Variants in FOXP2 observed in about 807,000 individuals in gnomAD.
FOXP2 encodes the protein forkhead box P2.
In FOXP2, 12 loss-of-function variants were observed where a neutral mutation model predicts 115.8. The ratio of observed to expected loss-of-function variants is 0.10; its 90% CI spans 0.07 to 0.17. The LOEUF is 0.17. Among genes scored for constraint, FOXP2 ranks in the 10% least tolerant of loss-of-function variants. The probability of loss-of-function intolerance (pLI) is 1.00; values close to 1 mark genes in which losing one functional copy is unlikely to be tolerated. For synonymous variants in FOXP2, 328 were observed against 297.7 expected, an observed-to-expected ratio of 1.10 and a Z score of -1.05; for missense variants, 629 against 843.5, an observed-to-expected ratio of 0.75 and a Z score of 3.15.
chr7:114,639,840 G>A (rs1194632568), intron 6 of FOXP2, among the ~76,000 whole-genome samples: 1 of 152,130 alleles, frequency 6.6e-6, no homozygotes, highest in East Asian at 1.9e-4. Context: ...TATATTAAAG[G>A]TTGTTTTTGT....
intron 2 of FOXP2, among the ~76,000 whole-genome samples, chr7:114,390,792 A>T (rs1262151428): frequency 6.6e-6 from 1 of 151,990 alleles, no homozygotes; most frequent in East Asian, 1.9e-4. Context: ...TCCTGGGCTC[A>T]AGTGATTGCC....
Position 114,693,262 on chromosome 7 carries a change from G to T in FOXP2, c.*3336G>T, listed in dbSNP as rs1301636015. On this transcript the variant is annotated 3_prime_UTR_variant, in exon 17 of 17. Coordinates refer to ENST00000350908, the MANE Select transcript of FOXP2 (RefSeq NM_014491.4). ...ATGTCATCAGCATTCTGTGTCTACA[G>T]CTGCTTAACTTCATAAGAATGCATT... The T allele has an allele frequency of 2.2e-6, 1 of 450,494 alleles. No individual in the cohort carries two copies. The highest frequency in any genetic ancestry group is 4.5e-6 in the Non-Finnish European group (1 of 224,674). The allele number at this position is 450,494 out of a possible 1,614,324, so 27.9% of individuals were successfully genotyped here.
chr7:114,115,161 T>TTTA (rs1791369544), intron 1 of FOXP2, among the ~76,000 whole-genome samples: 1 of 152,128 alleles, frequency 6.6e-6, no homozygotes, highest in African/African-American at 2.4e-5. Flanking sequence ...TTCTAAACTG[T>TTTA]GTCTTAGTGC....
chr7:114,464,466 A>G (rs1795720274), intron 2 of FOXP2, among the ~76,000 whole-genome samples: 1 of 152,228 alleles, frequency 6.6e-6, no homozygotes, highest in Non-Finnish European at 1.5e-5. Flanking sequence ...GGTTGTCTGT[A>G]TGAAAGTAAT....
chr7:114,448,711 A>G (rs893309778), intron 2 of FOXP2, among the ~76,000 whole-genome samples: 7 of 152,146 alleles, frequency 4.6e-5, no homozygotes, highest in African/African-American at 1.4e-4. Context: ...CCATATTCAT[A>G]GTTTGTGAGG....
intron 1 of FOXP2, among the ~76,000 whole-genome samples, chr7:114,273,848 C>G (rs759268158): frequency 6.6e-6 from 1 of 151,834 alleles, no homozygotes; most frequent in Non-Finnish European, 1.5e-5. Context: ...AAGTGCATTC[C>G]TTGTAGACAA....
At chr7:114,090,520 A>T (rs1799521177) in intron 1 of FOXP2, among the ~76,000 whole-genome samples, 1 of 151,786 alleles carries the variant, frequency 6.6e-6, no homozygotes, top group African/African-American at 2.4e-5. Flanking sequence ...TGTAGCCCTT[A>T]ATTCATAGAG....
In FOXP2 at chr7:114,245,384, G is replaced by A. The variant is rs142175474; in HGVS notation, c.-101-42635G>A. 3.0e-3 allele frequency among the ~76,000 whole-genome samples: 456 copies of A among 152,258 alleles called. 2 individuals carry two copies. The highest frequency in any genetic ancestry group is 0.011 in the African/African-American group (437 of 41,560). On this transcript the variant is annotated intron_variant, in intron 1 of 17. Transcript: ENST00000634411. ...CAGGAAACACTTCAGCAGTTTTTTTGTGGTACTGCCAGCTATTTTAGCATA... is the reference window on the plus strand; with the variant it reads ...CAGGAAACACTTCAGCAGTTTTTTTATGGTACTGCCAGCTATTTTAGCATA...
In FOXP2 at chr7:114,194,870, A is replaced by G. The variant is rs112209378; in HGVS notation, c.-102+31782A>G. ...ATTTATAATACTATTAAGAACACAGATATAGGACATAATAAATAAGAGATT... is the reference window on the plus strand; with the variant it reads ...ATTTATAATACTATTAAGAACACAGGTATAGGACATAATAAATAAGAGATT... On this transcript the variant is annotated intron_variant, in intron 1 of 17. Coordinates refer to the FOXP2 transcript ENST00000634411. Among the ~76,000 whole-genome samples the G allele has an allele frequency of 9.1e-3, 1,380 of 152,302 alleles. 27 individuals carry two copies. Among genetic ancestry groups the G allele is most frequent in the African/African-American group, 0.031 (1,294 of 41,578 alleles).
At chr7:114,186,254 C>T (rs1793603621) in intron 1 of FOXP2, among the ~76,000 whole-genome samples, 1 of 152,078 alleles carries the variant, frequency 6.6e-6, no homozygotes. Flanking sequence ...TAATTTGTTC[C>T]AGCATCAACT....
intron 3 of FOXP2, among the ~76,000 whole-genome samples, chr7:114,546,364 G>A (rs139874075): frequency 5.3e-5 from 8 of 152,298 alleles, no homozygotes; most frequent in Non-Finnish European, 1.0e-4. Context: ...AAGGCTTTTC[G>A]TAGACTGGTG....
chr7:114,259,133 T>A (rs1162159663), intron 1 of FOXP2, among the ~76,000 whole-genome samples: 1 of 152,152 alleles, frequency 6.6e-6, no homozygotes, highest in Non-Finnish European at 1.5e-5. Flanking sequence ...ACTTATTACA[T>A]TTTGATGACC....
At chr7:114,670,800 G>A (rs1807449560) in intron 16 of FOXP2, among the ~76,000 whole-genome samples, 1 of 151,990 alleles carries the variant, frequency 6.6e-6, no homozygotes, top group Non-Finnish European at 1.5e-5. Flanking sequence ...GTGGACAAAA[G>A]CATTTGAAAT....
At chr7:114,325,126 G>A (rs893651373) in intron 2 of FOXP2, among the ~76,000 whole-genome samples, 3 of 151,776 alleles carry the variant, frequency 2.0e-5, no homozygotes, top group African/African-American at 7.2e-5. Flanking sequence ...TTTAAAAAAT[G>A]TATTATTGGT....
At chr7:114,594,564 G>A (rs1802602653) in intron 3 of FOXP2, among the ~76,000 whole-genome samples, 1 of 151,944 alleles carries the variant, frequency 6.6e-6, no homozygotes, top group South Asian at 2.1e-4. Context: ...TAAAAATGAA[G>A]TTTGCAAAAA....
chr7:114,531,441 C>A (rs537835594), intron 2 of FOXP2, among the ~76,000 whole-genome samples: 1 of 151,910 alleles, frequency 6.6e-6, no homozygotes, highest in East Asian at 1.9e-4. Flanking sequence ...TCTAATTGCT[C>A]AGAGACCTGA....
chr7:114,544,487 A>G (rs1799823713), intron 3 of FOXP2, among the ~76,000 whole-genome samples: 1 of 152,240 alleles, frequency 6.6e-6, no homozygotes, highest in South Asian at 2.1e-4. Context: ...AACACAAAAT[A>G]CACAGAAAAT....
intron 3 of FOXP2, among the ~76,000 whole-genome samples, chr7:114,594,898 TCAGGGTTGTAAA>T (rs1374773812): frequency 2.0e-5 from 3 of 152,042 alleles, no homozygotes; most frequent in Non-Finnish European, 4.4e-5. Context: ...AGGTATGTTC[TCAGGGTTGTAAA>T]CTGCTTGTGG....
upstream of FOXP2, among the ~76,000 whole-genome samples, chr7:114,087,361 G>A (rs542964239): frequency 7.9e-5 from 12 of 152,212 alleles, no homozygotes; most frequent in South Asian, 2.1e-3. Context: ...GCGTTAGCAC[G>A]ACCGGCTTCC....
Sources: allele counts gnomAD v4.1 joint callset (sites outside exome capture counted in the v4.1 genomes callset), GRCh38; gene constraint gnomAD v4.1.1; transcripts MANE v1.5; gene names NCBI Gene and HGNC (gene_info 2026-07-23, HGNC 2026-07-21).